FARS2: variants seen among roughly 807,000 people sequenced by gnomAD.
The protein encoded by FARS2 is phenylalanyl-tRNA synthetase 2, mitochondrial.
FARS2 carries 40 observed loss-of-function variants against 46.4 expected under a neutral mutation model. That is an observed-to-expected ratio of 0.86 (90% CI 0.67 to 1.12). FARS2 has a LOEUF of 1.12. Among genes scored for constraint, FARS2 ranks in the 50% most tolerant of loss-of-function variants. FARS2 has a pLI of 0.00. For missense variants in FARS2, 513 were observed against 567.9 expected (o/e 0.90, Z 0.98); for synonymous variants, 234 against 214.9 (o/e 1.09, Z -0.78).
chr6:5,731,542 G>A (rs891501352), intron 6 of FARS2, among the ~76,000 whole-genome samples: 5 of 152,124 alleles, frequency 3.3e-5, no homozygotes, highest in Non-Finnish European at 7.4e-5. Context: ...TTCACACACC[G>A]GAGTATGGTT....
At chr6:5,488,913 A>T (rs1766936005) in intron 4 of FARS2, among the ~76,000 whole-genome samples, 1 of 152,110 alleles carries the variant, frequency 6.6e-6, no homozygotes, top group Admixed American at 6.5e-5. Context: ...TGTAGTAAAT[A>T]TTTATTGTGC....
In FARS2 at chr6:5,523,224, G is replaced by A. The variant is rs567149572; in HGVS notation, c.905-21956G>A. On this transcript the variant is annotated intron_variant, in intron 4 of 6. Transcript: ENST00000274680. Reference sequence around the variant, plus strand: ...TCTAATGGCAAAGCTTCCGTCTTCCGTCTAATTTAAAGCTTCTTTCCCTCC... The same window carrying A: ...TCTAATGGCAAAGCTTCCGTCTTCCATCTAATTTAAAGCTTCTTTCCCTCC... 3.3e-5 allele frequency among the ~76,000 whole-genome samples: 5 copies of A among 152,186 alleles called. No homozygotes were observed. In the East Asian group the frequency reaches 7.7e-4, roughly 24 times the overall value.
chr6:5,368,852 G>A lies in FARS2; in HGVS notation c.282G>A (p.Lys94=). The A allele has an allele frequency of 6.2e-7, 1 of 1,614,142 alleles. No homozygotes were observed. Among genetic ancestry groups the A allele is most frequent in the Non-Finnish European group, 8.5e-7 (1 of 1,180,026 alleles). Residue 94 remains lysine, a synonymous_variant, in exon 2 of 7, where the codon AAG becomes AAA. Coordinates refer to ENST00000274680, the MANE Select transcript of FARS2 (RefSeq NM_006567.5). Reference sequence around the variant, plus strand: ...TGTGGCTGATCAAGGAGAGGGTGAAGGAGCACTTCTACAAGCAGTATGTGG... The same window carrying A: ...TGTGGCTGATCAAGGAGAGGGTGAAAGAGCACTTCTACAAGCAGTATGTGG... ...HPLWLIKERV[K]EHFYKQYVGR...
chr6:5,697,992 G>A (rs1284866936), intron 6 of FARS2, among the ~76,000 whole-genome samples: 1 of 152,194 alleles, frequency 6.6e-6, no homozygotes, highest in Non-Finnish European at 1.5e-5. Context: ...ATGGGTTGAA[G>A]TAGACAGCAG....
intron 1 of FARS2, among the ~76,000 whole-genome samples, chr6:5,351,782 C>T (rs1015187143): frequency 4.6e-5 from 7 of 152,110 alleles, no homozygotes; most frequent in South Asian, 2.1e-4. Flanking sequence ...GTGACCATTG[C>T]GCAATGTGAA....
chr6:5,334,404 A>G (rs1771014505), intron 1 of FARS2, among the ~76,000 whole-genome samples: 1 of 152,228 alleles, frequency 6.6e-6, no homozygotes, highest in African/African-American at 2.4e-5. Flanking sequence ...TTGCTTCTGT[A>G]TGAAAAGACA....
chr6:5,717,929 T>TAGAGAGAGAG (rs372348270), intron 6 of FARS2, among the ~76,000 whole-genome samples: 3 of 105,032 alleles, frequency 2.9e-5, no homozygotes, highest in Admixed American at 8.6e-5. Flanking sequence ...TATATATATA[T>TAGAGAGAGAG]ATATATACAG....
intron 4 of FARS2, among the ~76,000 whole-genome samples, chr6:5,516,341 T>C (rs75501398): frequency 0.12 from 17,977 of 152,288 alleles, 1,128 homozygotes; most frequent in Admixed American, 0.16. Flanking sequence ...CTCTGCCGTG[T>C]CATCTTGGAA....
intron 4 of FARS2, among the ~76,000 whole-genome samples, chr6:5,503,655 C>T (rs1272815805): frequency 6.6e-6 from 1 of 151,758 alleles, no homozygotes; most frequent in Non-Finnish European, 1.5e-5. Context: ...ATAATTGTAT[C>T]CAAACGAGTT....
chr6:5,609,493 C>T (rs921643885), intron 5 of FARS2: 2 of 1,227,198 alleles, frequency 1.6e-6, no homozygotes, highest in Non-Finnish European at 2.4e-6. Context: ...CCACCACCAT[C>T]ATGGCTGCCA....
chr6:5,645,567 T>A (rs1777035767), intron 6 of FARS2, among the ~76,000 whole-genome samples: 1 of 152,166 alleles, frequency 6.6e-6, no homozygotes, highest in African/African-American at 2.4e-5. Context: ...ACGTAGCCAT[T>A]TTCCCGCTTC....
At chr6:5,303,525 C>A (rs944158078) in intron 1 of FARS2, among the ~76,000 whole-genome samples, 1 of 152,014 alleles carries the variant, frequency 6.6e-6, no homozygotes, top group African/African-American at 2.4e-5. Flanking sequence ...TCGGGAGAGC[C>A]GCTCCTGCCC....
chr6:5,534,498 C>T (rs963931924), intron 4 of FARS2, among the ~76,000 whole-genome samples: 10 of 152,278 alleles, frequency 6.6e-5, no homozygotes, highest in African/African-American at 1.9e-4. Context: ...AGATATTTCA[C>T]GTAAGGGAAA....
intron 1 of FARS2, among the ~76,000 whole-genome samples, chr6:5,265,850 G>C (rs1457254011): frequency 6.6e-6 from 1 of 152,174 alleles, no homozygotes; most frequent in Non-Finnish European, 1.5e-5. Flanking sequence ...TGCAAGGAGA[G>C]GTCACTTCAT....
intron 4 of FARS2, among the ~76,000 whole-genome samples, chr6:5,445,639 T>C (rs1364512616): frequency 1.3e-5 from 2 of 152,248 alleles, no homozygotes; most frequent in Admixed American, 1.3e-4. Flanking sequence ...TGGCAAATGA[T>C]GGTCTGAAAA....
At chr6:5,402,006 T>TC (rs35400106) in intron 2 of FARS2, among the ~76,000 whole-genome samples, 30,653 of 151,906 alleles carry the variant, frequency 0.2, 3,730 homozygotes, top group Middle Eastern at 0.28. Context: ...TGTTTTTTTT[T>TC]CCCTCTTTAA....
At chr6:5,596,102 C>T (rs769239157) in intron 5 of FARS2, among the ~76,000 whole-genome samples, 2 of 152,136 alleles carry the variant, frequency 1.3e-5, no homozygotes, top group African/African-American at 2.4e-5. Flanking sequence ...CTGTAGGAGT[C>T]TACTGAAGCT....
At chr6:5,473,077 T>A (rs1301894448) in intron 4 of FARS2, among the ~76,000 whole-genome samples, 1 of 152,186 alleles carries the variant, frequency 6.6e-6, no homozygotes, top group African/African-American at 2.4e-5. Flanking sequence ...TTGTTCTTGT[T>A]TTGTTCTCGT....
At chr6:5,632,215 A>C (rs757858251) in intron 6 of FARS2, among the ~76,000 whole-genome samples, 2 of 152,154 alleles carry the variant, frequency 1.3e-5, no homozygotes, top group Admixed American at 6.5e-5. Flanking sequence ...AGATTATAGG[A>C]GGAGAATCTC....
Sources: allele counts gnomAD v4.1 joint callset (sites outside exome capture counted in the v4.1 genomes callset), GRCh38; gene constraint gnomAD v4.1.1; transcripts MANE v1.5; gene names NCBI Gene and HGNC (gene_info 2026-07-23, HGNC 2026-07-21).